ELF2: variants seen among roughly 807,000 people sequenced by gnomAD.
ELF2 encodes the protein ETS-related transcription factor Elf-2.
A neutral mutation model predicts 54.8 loss-of-function variants in ELF2; 11 were observed. The ratio of observed to expected loss-of-function variants is 0.20; its 90% CI spans 0.13 to 0.33. The LOEUF is 0.33. ELF2 is among the 10% of genes least tolerant of loss of function. ELF2 has a pLI of 1.00. For synonymous variants in ELF2, 203 were observed against 245.1 expected (o/e 0.83, Z 1.61); for missense variants, 513 against 703.0 (o/e 0.73, Z 3.06).
chr4:139,101,715 A>T (rs1237926095), intron 4 of ELF2: 1 of 152,200 alleles, frequency 6.6e-6, no homozygotes, highest in Non-Finnish European at 1.5e-5. Context: ...TTTATTCCCA[A>T]GGATAAAGGT....
intron 3 of ELF2, among the ~76,000 whole-genome samples, chr4:139,136,460 G>C (rs1394023360): frequency 6.6e-6 from 1 of 151,636 alleles, no homozygotes; most frequent in Non-Finnish European, 1.5e-5. Flanking sequence ...ACAGACTGAT[G>C]TCCTAACTTG....
intron 3 of ELF2, 79 bp downstream of exon 3, chr4:139,137,551 G>A: frequency 1.5e-6 from 2 of 1,349,508 alleles, no homozygotes; most frequent in East Asian, 4.6e-5. Flanking sequence ...TCTCAAATAT[G>A]TTTCCTATTA....
chr4:139,107,418 G>T (rs946247621), intron 4 of ELF2, among the ~76,000 whole-genome samples: 2 of 152,246 alleles, frequency 1.3e-5, no homozygotes, highest in Non-Finnish European at 2.9e-5. Context: ...AATGTTTGAG[G>T]TGATGGATAT....
chr4:139,165,883 T>C (rs1317868214), intron 1 of ELF2, among the ~76,000 whole-genome samples: 1 of 152,198 alleles, frequency 6.6e-6, no homozygotes, highest in East Asian at 1.9e-4. Flanking sequence ...CAAAAGTATA[T>C]AAAACTCTTA....
intron 1 of ELF2, among the ~76,000 whole-genome samples, chr4:139,151,056 G>T (rs200667910): frequency 1.0e-5 from 1 of 95,806 alleles, no homozygotes; most frequent in Admixed American, 1.4e-4. Flanking sequence ...AAGAAAGAAA[G>T]AAAGAAAGAA....
chr4:139,115,492 G>A (rs1735607636), intron 4 of ELF2: 2 of 735,534 alleles, frequency 2.7e-6, no homozygotes, highest in Non-Finnish European at 1.7e-6. Flanking sequence ...GGGTGCCCGA[G>A]GGCAGCTGCA....
rs201866608 is a variant in ELF2 at position 139,089,923 on chromosome 4, A to T, written c.239-16356T>A. ...TATACCAACAAACAGTTTCTAGGTC[A>T]TAAAGTATTTTGTCTTTTGCTTTTT... On this transcript the variant is annotated intron_variant, in intron 4 of 9. Coordinates refer to ENST00000686138, the MANE Select transcript of ELF2 (RefSeq NM_001331036.3). Among the ~76,000 whole-genome samples, 4 of 152,216 alleles carry T rather than the reference A, an allele frequency of 2.6e-5. No individual in the cohort carries two copies. The East Asian group carries it at 5.8e-4, about 22-fold the overall frequency.
chr4:139,162,851 C>T (rs1454967005), intron 1 of ELF2, among the ~76,000 whole-genome samples: 4 of 152,132 alleles, frequency 2.6e-5, no homozygotes, highest in Non-Finnish European at 5.9e-5. Context: ...AATCCCAGCA[C>T]TTTCAAAGGC....
intron 4 of ELF2, among the ~76,000 whole-genome samples, chr4:139,094,151 G>A (rs1386240277): frequency 6.6e-6 from 1 of 151,908 alleles, no homozygotes; most frequent in African/African-American, 2.4e-5. Context: ...CCACCACCTC[G>A]GCCTCCCAAA....
At chr4:139,148,580 G>T (rs1370864626) in intron 1 of ELF2, among the ~76,000 whole-genome samples, 2 of 151,100 alleles carry the variant, frequency 1.3e-5, no homozygotes, top group African/African-American at 2.4e-5. Flanking sequence ...TCTTTTTATT[G>T]CTGAGTAATA....
At chr4:139,072,382 T>A (rs186939833) in intron 5 of ELF2, among the ~76,000 whole-genome samples, 1 of 152,194 alleles carries the variant, frequency 6.6e-6, no homozygotes, top group African/African-American at 2.4e-5. Context: ...AATAGTATAA[T>A]AGTGAGTTAG....
intron 5 of ELF2, among the ~76,000 whole-genome samples, chr4:139,073,190 AAT>A (rs1729762780): frequency 6.6e-6 from 1 of 152,214 alleles, no homozygotes; most frequent in South Asian, 2.1e-4. Context: ...GAGTTAAGGA[AAT>A]AGACATGACA....
intron 4 of ELF2, among the ~76,000 whole-genome samples, chr4:139,100,865 G>A (rs1232668209): frequency 1.3e-5 from 2 of 152,172 alleles, no homozygotes; most frequent in African/African-American, 2.4e-5. Flanking sequence ...ATTGCTGGGG[G>A]TAGGAGGAGG....
At chr4:139,113,167 G>A (rs1735156732) in intron 4 of ELF2, among the ~76,000 whole-genome samples, 1 of 151,952 alleles carries the variant, frequency 6.6e-6, no homozygotes, top group Non-Finnish European at 1.5e-5. Context: ...AGACCAGCCT[G>A]GGCAACATAC....
At chr4:139,121,155 C>A (rs983545731) in intron 4 of ELF2, among the ~76,000 whole-genome samples, 136 of 117,288 alleles carry the variant, frequency 1.2e-3, no homozygotes, top group Admixed American at 4.1e-3. Context: ...GTCGCCCAGG[C>A]TGGAGTGCAG....
At chr4:139,109,611 C>T (rs1368395942) in intron 4 of ELF2, among the ~76,000 whole-genome samples, 1 of 152,210 alleles carries the variant, frequency 6.6e-6, no homozygotes, top group Non-Finnish European at 1.5e-5. Context: ...AATTTTCCTT[C>T]ACCCAGCATT....
In ELF2 at chr4:139,087,669, G is replaced by A. The variant is rs546747504; in HGVS notation, c.239-14102C>T. 1.5e-3 allele frequency among the ~76,000 whole-genome samples: 235 copies of A among 152,232 alleles called. 1 individual carries two copies. The highest frequency in any genetic ancestry group is 2.8e-3 in the Non-Finnish European group (191 of 68,004). On this transcript the variant is annotated intron_variant, in intron 4 of 9. Transcript: ENST00000686138. The stretch of plus-strand genomic sequence containing the variant: ...TTTAGTAGAGATGGGGTTTGACCGT[G>A]TTAGCCAGGATGGTCTCGATATCCT...
Position 139,133,363 on chromosome 4 carries a change from G to T in ELF2, c.72+4267C>A, listed in dbSNP as rs191144767. Among the ~76,000 whole-genome samples the T allele has an allele frequency of 2.0e-5, 3 of 152,226 alleles. No individual in the cohort carries two copies. In the East Asian group the frequency reaches 5.8e-4, roughly 29 times the overall value. ...GGTTTTAATTTACATTTCCCTGATAGTTAATAATATTGAGCATTTTTACAT... is the reference window on the plus strand; with the variant it reads ...GGTTTTAATTTACATTTCCCTGATATTTAATAATATTGAGCATTTTTACAT... On this transcript the variant is annotated intron_variant, in intron 3 of 9. Transcript: ENST00000686138.
chr4:139,169,159 C>A (rs568032155), intron 1 of ELF2, among the ~76,000 whole-genome samples: 21 of 151,658 alleles, frequency 1.4e-4, no homozygotes, highest in Non-Finnish European at 2.9e-4. Context: ...ACCAACCTGG[C>A]CAAAATGGTG....
Sources: allele counts gnomAD v4.1 joint callset (sites outside exome capture counted in the v4.1 genomes callset), GRCh38; gene constraint gnomAD v4.1.1; transcripts MANE v1.5; gene names NCBI Gene and HGNC (gene_info 2026-07-23, HGNC 2026-07-21).